USH2A: variants seen among roughly 807,000 people sequenced by gnomAD.
USH2A encodes Usher syndrome 2A (autosomal recessive, mild).
In USH2A, 443 loss-of-function variants were observed where a neutral mutation model predicts 538.9. The observed-to-expected ratio is 0.82, with a 90% CI of 0.76 to 0.89. USH2A has a LOEUF of 0.89. Among genes scored for constraint, USH2A ranks in the 40% least tolerant of loss-of-function variants. USH2A has a pLI of 0.00. For synonymous variants in USH2A, 2,413 were observed against 2,273.5 expected (o/e 1.06, Z -1.75); for missense variants, 6,633 against 6,324.8 (o/e 1.05, Z -1.65).
chr1:216,165,770 A>G (rs1239546133), intron 21 of USH2A, among the ~76,000 whole-genome samples: 1 of 150,038 alleles, frequency 6.7e-6, no homozygotes, highest in Non-Finnish European at 1.5e-5. Flanking sequence ...GATAGTCATA[A>G]TTTCAGTCTA....
intron 35 of USH2A, among the ~76,000 whole-genome samples, chr1:215,990,555 A>C (rs1667977650): frequency 6.6e-6 from 1 of 152,168 alleles, no homozygotes; most frequent in South Asian, 2.1e-4. Flanking sequence ...TACGCAAATA[A>C]CTTTAAGCAC....
At chr1:216,212,914 C>T (rs1000449797) in intron 15 of USH2A, among the ~76,000 whole-genome samples, 1 of 152,024 alleles carries the variant, frequency 6.6e-6, no homozygotes, top group African/African-American at 2.4e-5. Context: ...TTACTTCTAT[C>T]TTAGCATCCT....
At chr1:216,267,592 G>A (rs1032844165) in intron 11 of USH2A, among the ~76,000 whole-genome samples, 1 of 152,040 alleles carries the variant, frequency 6.6e-6, no homozygotes, top group Non-Finnish European at 1.5e-5. Flanking sequence ...GTCTCACCAG[G>A]CACCACGACA....
intron 38 of USH2A, among the ~76,000 whole-genome samples, chr1:215,909,973 A>G (rs923154581): frequency 7.9e-5 from 12 of 151,982 alleles, no homozygotes; most frequent in Admixed American, 5.3e-4. Flanking sequence ...TTAGAAGGCC[A>G]TTGACTACGG....
At chr1:215,732,779 G>C (rs1344652354) in intron 60 of USH2A, among the ~76,000 whole-genome samples, 2 of 151,758 alleles carry the variant, frequency 1.3e-5, no homozygotes, top group Non-Finnish European at 2.9e-5. Flanking sequence ...CTGACCTTGT[G>C]ATCTGCCCTC....
chr1:216,085,719 A>AGTGTGTGTGTGT lies in USH2A; in HGVS notation c.4988-854_4988-843dup, dbSNP rs140742468. Among the ~76,000 whole-genome samples, 22 of 143,708 alleles carry AGTGTGTGTGTGT rather than the reference A, an allele frequency of 1.5e-4. 1 individual carries two copies. The highest frequency in any genetic ancestry group is 2.8e-4 in the Admixed American group (4 of 14,300). The allele number at this position is 143,708 out of a possible 152,430, so 94.3% of individuals were successfully genotyped here. On this transcript the variant is annotated intron_variant, in intron 24 of 71. Coordinates refer to ENST00000307340, the MANE Select transcript of USH2A (RefSeq NM_206933.4). ...GCAAAAAACAAAGGCTGTGTACGTGAGTGTGTGTGTGTGTGTGTGTGTGTG... is the reference window on the plus strand; with the variant it reads ...GCAAAAAACAAAGGCTGTGTACGTGAGTGTGTGTGTGTGTGTGTGTGTGTGTGTGTGTGTGTG...
At position 216,292,596 on chromosome 1, in the gene USH2A, CT is replaced by C. The variant is rs1231435973; in HGVS notation, c.1645-227del. Among the ~76,000 whole-genome samples, 11 of 151,356 alleles carry C rather than the reference CT, an allele frequency of 7.3e-5. No homozygotes were observed. The East Asian group carries it at 1.2e-3, about 16-fold the overall frequency. ...GCAAACTTGAACCATGGAAAATGAT[CT>C]TTTTTTTTCTTAATTTTTAATTTTT... On this transcript the variant is annotated intron_variant, in intron 9 of 71. Transcript: ENST00000307340.
At chr1:216,300,130 A>G (rs146242992) in intron 9 of USH2A, among the ~76,000 whole-genome samples, 55 of 152,324 alleles carry the variant, frequency 3.6e-4, no homozygotes, top group African/African-American at 1.2e-3. Flanking sequence ...GGAAGAAATA[A>G]TAATTGGTAA....
At chr1:216,164,095 G>T (rs918736369) in intron 21 of USH2A, among the ~76,000 whole-genome samples, 2 of 151,986 alleles carry the variant, frequency 1.3e-5, no homozygotes, top group Non-Finnish European at 2.9e-5. Flanking sequence ...GCTCCCTAAG[G>T]TTAGGAATCA....
chr1:215,631,317 G>A (rs1656277975), intron 70 of USH2A, among the ~76,000 whole-genome samples: 1 of 151,964 alleles, frequency 6.6e-6, no homozygotes. Flanking sequence ...GGAAAACTGA[G>A]CAGGTGAATC....
intron 59 of USH2A, 42 bp downstream of exon 59, chr1:215,743,135 T>A (rs745363462): frequency 1.9e-6 from 3 of 1,598,616 alleles, no homozygotes; most frequent in South Asian, 2.2e-5. Flanking sequence ...AATGAAATAC[T>A]TTTTCATAAA....
At chr1:215,836,525 AT>A (rs71581111) in intron 47 of USH2A, among the ~76,000 whole-genome samples, 4 of 28,534 alleles carry the variant, frequency 1.4e-4, no homozygotes, top group African/African-American at 2.3e-4. Context: ...TATAATATAT[AT>A]TATATATATA....
intron 32 of USH2A, among the ~76,000 whole-genome samples, chr1:216,020,304 T>C (rs1668817795): frequency 6.6e-6 from 1 of 152,210 alleles, no homozygotes; most frequent in Non-Finnish European, 1.5e-5. Flanking sequence ...TTAGATGTGA[T>C]TAACATTTAT....
chr1:215,776,849 A>G (rs903238972), intron 55 of USH2A, among the ~76,000 whole-genome samples: 1 of 152,198 alleles, frequency 6.6e-6, no homozygotes, highest in Non-Finnish European at 1.5e-5. Context: ...AATGAGTAAC[A>G]TTATATAGAT....
At chr1:216,196,493 A>G in intron 19 of USH2A, 60 bp downstream of exon 19, 2 of 1,598,360 alleles carry the variant, frequency 1.3e-6, no homozygotes, top group Non-Finnish European at 1.7e-6. Flanking sequence ...CAAACTCAAA[A>G]AATGTCCAAA....
chr1:216,198,680 T>TTCATTG (rs1330906781), intron 17 of USH2A, 96 bp from the exon 18 acceptor site: 1 of 1,078,384 alleles, frequency 9.3e-7, no homozygotes, highest in Non-Finnish European at 1.4e-6. Flanking sequence ...GTGCTGGATA[T>TTCATTG]TCATTGTCTT....
chr1:215,857,500 G>A (rs1232103511), intron 44 of USH2A, among the ~76,000 whole-genome samples: 2 of 152,298 alleles, frequency 1.3e-5, no homozygotes, highest in African/African-American at 2.4e-5. Context: ...AGGAGCAACA[G>A]GAATTTATGC....
At chr1:215,661,471 T>G (rs929488273) in intron 64 of USH2A, among the ~76,000 whole-genome samples, 1 of 152,186 alleles carries the variant, frequency 6.6e-6, no homozygotes, top group African/African-American at 2.4e-5. Context: ...CCCTGGGTAC[T>G]TCAACATCCC....
chr1:216,000,464 G>A lies in USH2A; in HGVS notation c.6424C>T (p.Pro2142Ser). ...ACTGGGGAATCCACGTGTTCTGGTG[G>A]CAGCTGTGCTGTGTACAGTAGGACC... ...SWVLLYTAQL[P>S]PEHVDSPVLT... The change falls in exon 33 of 72, where the codon CCA (proline) becomes TCA (serine). Residue 2142 changes from proline to serine, a missense_variant. Physicochemically the swap from Pro to Ser is moderately conservative, Grantham distance 74. Transcript: ENST00000307340. 6.2e-7 allele frequency: 1 copy of A among 1,613,750 alleles called. No homozygotes were observed. The highest frequency in any genetic ancestry group is 8.5e-7 in the Non-Finnish European group (1 of 1,179,746).
Sources: allele counts gnomAD v4.1 joint callset (sites outside exome capture counted in the v4.1 genomes callset), GRCh38; gene constraint gnomAD v4.1.1; transcripts MANE v1.5; gene names NCBI Gene and HGNC (gene_info 2026-07-23, HGNC 2026-07-21).